ETV6: variants seen among roughly 807,000 people sequenced by gnomAD.
ETV6 encodes the protein ETS variant transcription factor 6.
ETV6 carries 16 observed loss-of-function variants against 51.1 expected under a neutral mutation model. The ratio of observed to expected loss-of-function variants is 0.31; its 90% CI spans 0.21 to 0.48. ETV6 has a LOEUF of 0.48. Among genes scored for constraint, ETV6 ranks in the 20% least tolerant of loss-of-function variants. ETV6 has a pLI of 0.99. For missense variants in ETV6, 458 were observed against 594.8 expected (o/e 0.77, Z 2.39); for synonymous variants, 240 against 224.1 (o/e 1.07, Z -0.64).
At chr12:11,744,920 AAG>A (rs3049093) in intron 1 of ETV6, among the ~76,000 whole-genome samples, 41,910 of 150,982 alleles carry the variant, frequency 0.28, 6,157 homozygotes, top group East Asian at 0.42. Context: ...AAAAAAAAAA[AAG>A]AGAGAATTTC....
At position 11,664,962 on chromosome 12, in the gene ETV6, G is replaced by A. The variant is rs761440293; in HGVS notation, c.33+14802G>A. On this transcript the variant is annotated intron_variant, in intron 1 of 7. Coordinates refer to ENST00000396373, the MANE Select transcript of ETV6 (RefSeq NM_001987.5). ...AACCACAGCTTCTTGTCACCTGCAAGGCCCTTTACTGCCTACCTTTCTAGT... is the reference window on the plus strand; with the variant it reads ...AACCACAGCTTCTTGTCACCTGCAAAGCCCTTTACTGCCTACCTTTCTAGT... 5.3e-5 allele frequency among the ~76,000 whole-genome samples: 8 copies of A among 152,162 alleles called. No homozygotes were observed. In the South Asian group the frequency reaches 1.7e-3, roughly 32 times the overall value.
intron 2 of ETV6, among the ~76,000 whole-genome samples, chr12:11,832,167 A>C (rs1258855419): frequency 6.6e-6 from 1 of 152,250 alleles, no homozygotes; most frequent in East Asian, 1.9e-4. Context: ...GCAGGATAAG[A>C]ATAAGCATGA....
chr12:11,730,696 C>A (rs540994317), intron 1 of ETV6, among the ~76,000 whole-genome samples: 9 of 152,318 alleles, frequency 5.9e-5, no homozygotes, highest in African/African-American at 2.2e-4. Context: ...AGAATGTGGG[C>A]GGACTTCTGA....
chr12:11,856,942 C>T (rs1946641365), intron 4 of ETV6, among the ~76,000 whole-genome samples: 1 of 152,146 alleles, frequency 6.6e-6, no homozygotes, highest in South Asian at 2.1e-4. Context: ...ATGTTGCTGC[C>T]AACTTGGCAT....
chr12:11,665,228 G>A (rs544383873), intron 1 of ETV6, among the ~76,000 whole-genome samples: 1 of 152,252 alleles, frequency 6.6e-6, no homozygotes, highest in East Asian at 1.9e-4. Context: ...CAAACTCCTG[G>A]GCTCAAGTGA....
intron 1 of ETV6, among the ~76,000 whole-genome samples, chr12:11,724,210 C>T (rs1865446917): frequency 6.6e-6 from 1 of 152,160 alleles, no homozygotes; most frequent in Non-Finnish European, 1.5e-5. Flanking sequence ...TTGACAGGTC[C>T]TGATAGGGGC....
intron 1 of ETV6, among the ~76,000 whole-genome samples, chr12:11,731,101 T>G (rs1191313998): frequency 1.3e-5 from 2 of 152,166 alleles, no homozygotes; most frequent in African/African-American, 2.4e-5. Flanking sequence ...GAGAAATGAT[T>G]TTAAGTGTGA....
chr12:11,839,309 G>C lies in ETV6; in HGVS notation c.328+5G>C. 1 of 1,609,772 alleles carries C rather than the reference G, an allele frequency of 6.2e-7. No individual in the cohort carries two copies. Among genetic ancestry groups the C allele is most frequent in the African/African-American group, 1.3e-5 (1 of 74,964 alleles). On this transcript the variant is annotated splice_donor_5th_base_variant and intron_variant, in intron 3 of 7. Coordinates refer to ENST00000396373, the MANE Select transcript of ETV6 (RefSeq NM_001987.5). ...GCTATCGATCTCCTCATTCAGGTGA[G>C]AGTCTGGACTCTTGGCATATGCCCA... is the stretch of plus-strand genomic sequence containing the variant.
At chr12:11,777,239 C>CAAAAAAAA (rs5796465) in intron 2 of ETV6, among the ~76,000 whole-genome samples, 1 of 78,878 alleles carries the variant, frequency 1.3e-5, no homozygotes, top group Non-Finnish European at 2.3e-5. Flanking sequence ...GACTCCGTGT[C>CAAAAAAAA]AAAAAAAAAA....
intron 2 of ETV6, among the ~76,000 whole-genome samples, chr12:11,770,274 T>C (rs1433446648): frequency 6.6e-6 from 1 of 151,774 alleles, no homozygotes; most frequent in Non-Finnish European, 1.5e-5. Flanking sequence ...TGCCTGACAG[T>C]TTCCCTGCAC....
chr12:11,683,245 T>C (rs983379022), intron 1 of ETV6, among the ~76,000 whole-genome samples: 4 of 152,214 alleles, frequency 2.6e-5, no homozygotes, highest in African/African-American at 4.8e-5. Flanking sequence ...GGTTTTGCCA[T>C]GTTGGCCAGG....
chr12:11,894,355 C>T lies in ETV6; in HGVS notation c.*3309C>T, dbSNP rs994796890. On this transcript the variant is annotated 3_prime_UTR_variant, in exon 8 of 8. Coordinates refer to ENST00000396373, the MANE Select transcript of ETV6 (RefSeq NM_001987.5). ...TCTCAAGCTAGCCAGGCAGTCTCCTCTCTATCAGAAGAAAGCACTGGTAAT... is the reference window on the plus strand; with the variant it reads ...TCTCAAGCTAGCCAGGCAGTCTCCTTTCTATCAGAAGAAAGCACTGGTAAT... The T allele has an allele frequency of 4.3e-6, 1 of 233,028 alleles. No individual in the cohort carries two copies. Among genetic ancestry groups the T allele is most frequent in the Non-Finnish European group, 8.5e-6 (1 of 117,986 alleles). The allele number at this position is 233,028 out of a possible 1,614,324, so 14.4% of individuals were successfully genotyped here.
chr12:11,763,626 C>T (rs56906877), intron 2 of ETV6, among the ~76,000 whole-genome samples: 3,102 of 152,338 alleles, frequency 0.02, 101 homozygotes, highest in African/African-American at 0.065. Context: ...TGTGCACGCA[C>T]GTGCTTTCGT....
At chr12:11,705,889 T>C (rs1229055398) in intron 1 of ETV6, among the ~76,000 whole-genome samples, 1 of 152,196 alleles carries the variant, frequency 6.6e-6, no homozygotes, top group Non-Finnish European at 1.5e-5. Context: ...GCTTTTAATA[T>C]CCATGGAGGC....
intron 3 of ETV6, 103 bp from the exon 4 acceptor site, chr12:11,853,324 T>G: frequency 1.4e-6 from 2 of 1,401,230 alleles, no homozygotes; most frequent in Non-Finnish European, 2.0e-6. Flanking sequence ...TGCGCTCCAA[T>G]TGTATCTTTG....
intron 1 of ETV6, among the ~76,000 whole-genome samples, chr12:11,689,382 C>T (rs761937255): frequency 6.6e-6 from 1 of 152,066 alleles, no homozygotes; most frequent in African/African-American, 2.4e-5. Flanking sequence ...CTTCTCTAGG[C>T]GTCGTTTGAA....
At chr12:11,880,881 G>A (rs989439615) in intron 5 of ETV6, among the ~76,000 whole-genome samples, 8 of 152,142 alleles carry the variant, frequency 5.3e-5, no homozygotes, top group Admixed American at 2.6e-4. Context: ...AACCTATAGG[G>A]AGACATAGGA....
At chr12:11,793,204 T>C (rs185702643) in intron 2 of ETV6, among the ~76,000 whole-genome samples, 3 of 152,370 alleles carry the variant, frequency 2.0e-5, no homozygotes, top group African/African-American at 4.8e-5. Flanking sequence ...GTGGCAGATA[T>C]TGTCCTAAGC....
At chr12:11,857,247 T>C (rs998763067) in intron 4 of ETV6, among the ~76,000 whole-genome samples, 3 of 152,326 alleles carry the variant, frequency 2.0e-5, no homozygotes, top group South Asian at 2.1e-4. Context: ...CTTTCTTACA[T>C]TGAAACTTAC....
Sources: gnomAD v4.1 joint callset for allele counts (sites outside exome capture counted in the v4.1 genomes callset) on GRCh38, gnomAD v4.1.1 for gene constraint, MANE v1.5 for transcripts, NCBI Gene and HGNC (gene_info 2026-07-23, HGNC 2026-07-21) for gene names.